Variants in DUS2 observed in about 807,000 individuals in gnomAD.
The protein encoded by DUS2 is dihydrouridine synthase 2.
Under a neutral mutation model 71.3 loss-of-function variants are expected in DUS2, and 52 were observed. The ratio of observed to expected loss-of-function variants is 0.73; its 90% CI spans 0.58 to 0.92. The LOEUF is 0.92. Ranked by LOEUF, DUS2 falls within the 40% of genes least tolerant of loss-of-function variation. DUS2 has a pLI of 0.00. For missense variants in DUS2, 558 were observed against 622.6 expected (o/e 0.90, Z 1.10); for synonymous variants, 204 against 227.8 (o/e 0.90, Z 0.94).
intron 5 of DUS2, among the ~76,000 whole-genome samples, chr16:68,054,276 A>G (rs1304897416): frequency 6.6e-6 from 1 of 152,268 alleles, no homozygotes; most frequent in Admixed American, 6.5e-5. Context: ...ATCTAGCAAA[A>G]TGTTAATTGT....
chr16:68,032,320 A>G (rs1245639928), intron 2 of DUS2, among the ~76,000 whole-genome samples: 2 of 152,108 alleles, frequency 1.3e-5, no homozygotes, highest in African/African-American at 2.4e-5. Flanking sequence ...AAGGTCATGT[A>G]CCTGGCTCAG....
At chr16:68,056,836 ATATAT>A (rs986037596) in intron 7 of DUS2, among the ~76,000 whole-genome samples, 3 of 145,492 alleles carry the variant, frequency 2.1e-5, no homozygotes, top group Admixed American at 7.0e-5. Context: ...ATATAATGTT[ATATAT>A]TATATAATGT....
intron 16 of DUS2, 104 bp from the exon 17 acceptor site, chr16:68,078,645 G>A: frequency 6.7e-7 from 1 of 1,482,810 alleles, no homozygotes; most frequent in Non-Finnish European, 9.3e-7. Flanking sequence ...ATCCCTGGAT[G>A]GTGACCCCTT....
intron 2 of DUS2, among the ~76,000 whole-genome samples, chr16:68,035,444 A>C (rs899839742): frequency 6.8e-6 from 1 of 147,122 alleles, no homozygotes; most frequent in Non-Finnish European, 1.5e-5. Flanking sequence ...GTTTAGCGGT[A>C]TTATCATATC....
At chr16:68,076,842 G>A (rs2034164946) in intron 15 of DUS2, 123 bp downstream of exon 15, 2 of 718,952 alleles carry the variant, frequency 2.8e-6, no homozygotes. Flanking sequence ...GAAGCTGCTG[G>A]TGGCCAGGTC....
chr16:68,051,171 G>A (rs1277094755), intron 4 of DUS2, among the ~76,000 whole-genome samples: 1 of 152,170 alleles, frequency 6.6e-6, no homozygotes, highest in Non-Finnish European at 1.5e-5. Flanking sequence ...AGTAATGGTA[G>A]CACCTATTGT....
chr16:68,036,522 C>G (rs2033530720), intron 2 of DUS2, among the ~76,000 whole-genome samples: 2 of 151,900 alleles, frequency 1.3e-5, no homozygotes, highest in African/African-American at 2.4e-5. Context: ...TCAGGCTGAT[C>G]TGGAACTCCT....
chr16:68,057,123 T>C (rs1191721068), intron 7 of DUS2, among the ~76,000 whole-genome samples: 1 of 140,032 alleles, frequency 7.1e-6, no homozygotes, highest in Non-Finnish European at 1.5e-5. Context: ...ATATTACATA[T>C]ATAAATATAT....
In DUS2 at chr16:68,070,136, A is replaced by G. The variant is rs139163251; in HGVS notation, c.557A>G (p.Lys186Arg). 110 of 1,613,776 alleles carry G rather than the reference A, an allele frequency of 6.8e-5. No individual in the cohort carries two copies. Residue 186 changes from lysine to arginine, a missense_variant and splice_region_variant, in exon 11 of 17, where the codon AAG becomes AGG. Coordinates refer to ENST00000565263, the MANE Select transcript of DUS2 (RefSeq NM_017803.5). ...GIAAIAVHGR[K>R]REERPQHPVS... ...AGCCCCATCTTTCTATCTCCAAGGA[A>G]GCGGGAGGAGCGACCTCAGCATCCT... is the stretch of plus-strand genomic sequence containing the variant.
chr16:68,058,787 C>T (rs555151388), intron 7 of DUS2, among the ~76,000 whole-genome samples: 1 of 152,116 alleles, frequency 6.6e-6, no homozygotes, highest in Non-Finnish European at 1.5e-5. Context: ...AGGGGTGCTA[C>T]TGAAAATAAT....
At chr16:68,060,951 C>A in intron 7 of DUS2, 115 bp from the exon 8 acceptor site, 3 of 928,830 alleles carry the variant, frequency 3.2e-6, no homozygotes, top group Non-Finnish European at 3.4e-6. Flanking sequence ...TGCCAGTGGG[C>A]CTTGGTCCCT....
At position 68,075,372 on chromosome 16, in the gene DUS2, G is replaced by A. The variant is rs2034142172; in HGVS notation, c.950G>A (p.Gly317Asp). ...SREICEAFGL[G>D]AFYEETTQEL... ...CTCCCTAGTGAGGCCTTTGGCCTTG[G>A]TGCCTTCTATGAGGAGACCACACAG... Residue 317 changes from glycine to aspartate, a missense_variant, in exon 14 of 17, where the codon GGT becomes GAT. By Grantham distance (94) the Gly-to-Asp change is moderately conservative (BLOSUM62 -1). Coordinates refer to ENST00000565263, the MANE Select transcript of DUS2 (RefSeq NM_017803.5). 9 of 1,609,492 alleles carry A rather than the reference G, an allele frequency of 5.6e-6. No homozygotes were observed. Among genetic ancestry groups the A allele is most frequent in the South Asian group, 1.1e-5 (1 of 89,962 alleles).
intron 12 of DUS2, among the ~76,000 whole-genome samples, chr16:68,071,975 C>T (rs1246053701): frequency 6.6e-6 from 1 of 152,202 alleles, no homozygotes; most frequent in African/African-American, 2.4e-5. Context: ...AACCCTGGAA[C>T]TCTGTGGGAC....
intron 2 of DUS2, among the ~76,000 whole-genome samples, chr16:68,029,519 T>G (rs2033406883): frequency 6.6e-6 from 1 of 151,996 alleles, no homozygotes; most frequent in Non-Finnish European, 1.5e-5. Context: ...CGATCTTGGC[T>G]CACTGCAGCC....
intron 2 of DUS2, among the ~76,000 whole-genome samples, chr16:68,032,373 C>G (rs966325902): frequency 4.9e-4 from 74 of 152,286 alleles, no homozygotes; most frequent in African/African-American, 1.6e-3. Context: ...CACTCCTGTT[C>G]TTGTAGAGCT....
Position 68,066,299 on chromosome 16 carries a change from G to A in DUS2, c.418-18G>A. 1 of 1,613,684 alleles carries A rather than the reference G, an allele frequency of 6.2e-7. No homozygotes were observed. Among genetic ancestry groups the A allele is most frequent in the Non-Finnish European group, 8.5e-7 (1 of 1,179,574 alleles). On this transcript the variant is annotated intron_variant, in intron 8 of 16. Transcript: ENST00000565263. ...TGTTCCAGAAGACATAGGTGCTCTT[G>A]TGTTTTCCTTTCTGCAGATCCTCAG...
chr16:68,066,475 G>A, intron 9 of DUS2, 91 bp from the exon 10 acceptor site: 1 of 1,585,196 alleles, frequency 6.3e-7, no homozygotes, highest in Non-Finnish European at 8.7e-7. Flanking sequence ...AATTAGGCTT[G>A]GAGGAGAGAG....
rs747872703 is a variant in DUS2, at chr16:68,078,513, C to T, written c.1239C>T (p.Thr413=). The change falls in exon 16 of 17, where the codon ACC becomes ACT. Residue 413 remains threonine, a synonymous_variant. Coordinates refer to ENST00000565263, the MANE Select transcript of DUS2 (RefSeq NM_017803.5). ...TTGCTGAACAAAAGTATCAGTCTAC[C>T]TTGTGGTAAGTTTCCTTATCATAGG... ...VTVAEQKYQS[T]LWDKSKKLAE... 1.5e-5 allele frequency: 24 copies of T among 1,613,854 alleles called. No homozygotes were observed. In the South Asian group the frequency reaches 2.5e-4, roughly 17 times the overall value.
rs541971212 is a variant in DUS2 at position 68,040,254 on chromosome 16, T to G, written c.126+2105T>G. On this transcript the variant is annotated intron_variant, in intron 3 of 16. Transcript: ENST00000565263. Reference sequence around the variant, plus strand: ...TGCCCGCCTCCATGTCCAGCTAATTTTTGTATTTAGTAGAGATGGGGTTTT... The same window carrying G: ...TGCCCGCCTCCATGTCCAGCTAATTGTTGTATTTAGTAGAGATGGGGTTTT... Among the ~76,000 whole-genome samples, 503 of 152,110 alleles carry G rather than the reference T, an allele frequency of 3.3e-3. 1 individual carries two copies. The highest frequency in any genetic ancestry group is 5.8e-3 in the Non-Finnish European group (396 of 67,976).
Sources: gnomAD v4.1 joint callset for allele counts (sites outside exome capture counted in the v4.1 genomes callset) on GRCh38, gnomAD v4.1.1 for gene constraint, MANE v1.5 for transcripts, NCBI Gene and HGNC (gene_info 2026-07-23, HGNC 2026-07-21) for gene names.